Variants in HERC3 observed in about 807,000 individuals in gnomAD.
HERC3 encodes the protein HECT and RLD domain containing E3 ubiquitin protein ligase 3.
HERC3 carries 58 observed loss-of-function variants against 129.9 expected under a neutral mutation model. The ratio of observed to expected loss-of-function variants is 0.45; its 90% CI spans 0.36 to 0.56. The LOEUF is 0.56. Ranked by LOEUF, HERC3 falls within the 20% of genes least tolerant of loss-of-function variation. HERC3 has a pLI of 0.00. For synonymous variants in HERC3, 430 were observed against 451.0 expected, an observed-to-expected ratio of 0.95 and a Z score of 0.59; for missense variants, 835 against 1,244.2, an observed-to-expected ratio of 0.67 and a Z score of 4.95.
chr4:88,683,246 C>T (rs543840005), intron 21 of HERC3, among the ~76,000 whole-genome samples: 2 of 152,152 alleles, frequency 1.3e-5, no homozygotes, highest in South Asian at 2.1e-4. Context: ...CACATCAGAT[C>T]AAGTATATAA....
the HERC3 span, among the ~76,000 whole-genome samples, chr4:88,528,466 T>C: frequency 1.3e-5 from 2 of 152,148 alleles, no homozygotes; most frequent in East Asian, 3.8e-4. Flanking sequence ...GTGGAACTAA[T>C]GGCTCAAGAT....
chr4:88,628,977 C>G (rs1031443773), intron 3 of HERC3, among the ~76,000 whole-genome samples: 2 of 152,112 alleles, frequency 1.3e-5, no homozygotes, highest in African/African-American at 4.8e-5. Flanking sequence ...AATTTGAGAT[C>G]AGCCTGGCCA....
chr4:88,561,173 G>A, the HERC3 span, among the ~76,000 whole-genome samples: 19 of 151,878 alleles, frequency 1.3e-4, no homozygotes, highest in African/African-American at 2.4e-4. Context: ...ATGTGTGACC[G>A]CATTGACACA....
At chr4:88,594,013 T>TA (rs1295125942) in intron 1 of HERC3, among the ~76,000 whole-genome samples, 3 of 152,238 alleles carry the variant, frequency 2.0e-5, no homozygotes, top group African/African-American at 7.2e-5. Flanking sequence ...GAACTTTCTG[T>TA]AAAAAGTATA....
intron 10 of HERC3, among the ~76,000 whole-genome samples, chr4:88,660,293 C>G (rs950282153): frequency 2.6e-5 from 4 of 152,056 alleles, no homozygotes; most frequent in African/African-American, 9.7e-5. Flanking sequence ...CCTCCACCTC[C>G]TGGTTTCAAG....
the HERC3 span, among the ~76,000 whole-genome samples, chr4:88,586,123 G>A: frequency 6.6e-6 from 1 of 152,168 alleles, no homozygotes; most frequent in Non-Finnish European, 1.5e-5. Context: ...TATTCACTGT[G>A]TTTAGCTATG....
At chr4:88,604,496 G>T (rs1212755463) in intron 2 of HERC3, among the ~76,000 whole-genome samples, 1 of 152,128 alleles carries the variant, frequency 6.6e-6, no homozygotes, top group African/African-American at 2.4e-5. Flanking sequence ...CTATTTTCTA[G>T]TCTATTTTCT....
At chr4:88,637,934 A>G (rs1331754415) in intron 3 of HERC3, among the ~76,000 whole-genome samples, 3 of 152,062 alleles carry the variant, frequency 2.0e-5, no homozygotes, top group Non-Finnish European at 4.4e-5. Context: ...CAGAAATACA[A>G]ACTACCTTCA....
chr4:88,603,631 G>T (rs1031813185), intron 2 of HERC3, among the ~76,000 whole-genome samples: 3 of 152,180 alleles, frequency 2.0e-5, no homozygotes, highest in Admixed American at 1.3e-4. Context: ...CCAGAGAGGT[G>T]CATGGGGTAT....
the HERC3 span, among the ~76,000 whole-genome samples, chr4:88,581,201 T>C: frequency 5.9e-5 from 9 of 152,188 alleles, no homozygotes; most frequent in Non-Finnish European, 8.8e-5. Context: ...ATTCTTGTGT[T>C]TCTAGAGCCA....
intron 10 of HERC3, among the ~76,000 whole-genome samples, chr4:88,661,688 T>A (rs187116894): frequency 6.6e-6 from 1 of 152,304 alleles, no homozygotes; most frequent in East Asian, 1.9e-4. Flanking sequence ...GAATAAAAGA[T>A]GTACAGTGTT....
At chr4:88,656,092 T>G in intron 9 of HERC3, 57 bp downstream of exon 9, 1 of 1,549,984 alleles carries the variant, frequency 6.5e-7, no homozygotes, top group Non-Finnish European at 8.9e-7. Flanking sequence ...AACAGTTGTT[T>G]ACAGAATATG....
the HERC3 span, among the ~76,000 whole-genome samples, chr4:88,536,982 A>G: frequency 6.6e-6 from 1 of 152,210 alleles, no homozygotes; most frequent in Non-Finnish European, 1.5e-5. Context: ...GATTTCTTAA[A>G]TTAACAGATT....
chr4:88,551,379 A>G, the HERC3 span, among the ~76,000 whole-genome samples: 7 of 147,186 alleles, frequency 4.8e-5, no homozygotes, highest in Non-Finnish European at 9.0e-5. Flanking sequence ...TTTGCAACCT[A>G]CTCATCTGAC....
Position 88,654,116 on chromosome 4 carries a change from A to T in HERC3, c.760A>T (p.Thr254Ser). 6.2e-7 allele frequency: 1 copy of T among 1,612,840 alleles called. No individual in the cohort carries two copies. The highest frequency in any genetic ancestry group is 8.5e-7 in the Non-Finnish European group (1 of 1,179,022). Reference protein sequence around the residue: ...VVYISCGEEHTAVLTKSGGVF... With the variant: ...VVYISCGEEHSAVLTKSGGVF... ...CTATATTAGTTGTGGAGAAGAACAC[A>T]CAGCAGTTCTCACAAAGGTAAGGAG... The change falls in exon 7 of 26, where the codon ACA becomes TCA. Residue 254 changes from threonine (T) to serine (S), a missense_variant. Coordinates refer to ENST00000402738, the MANE Select transcript of HERC3 (RefSeq NM_014606.3).
chr4:88,687,416 G>A, intron 23 of HERC3, 117 bp downstream of exon 23: 1 of 505,396 alleles, frequency 2.0e-6, no homozygotes, highest in Non-Finnish European at 3.4e-6. Flanking sequence ...GAGGAGGTAA[G>A]TAAGGGTGAT....
intron 3 of HERC3, among the ~76,000 whole-genome samples, chr4:88,647,349 G>C (rs977787184): frequency 1.3e-5 from 2 of 152,198 alleles, no homozygotes; most frequent in Admixed American, 6.6e-5. Flanking sequence ...CTGCTAGTCA[G>C]TAGCAGGAAG....
At chr4:88,642,275 T>C (rs1728203415) in intron 3 of HERC3, among the ~76,000 whole-genome samples, 1 of 151,990 alleles carries the variant, frequency 6.6e-6, no homozygotes, top group Non-Finnish European at 1.5e-5. Context: ...AAAAACAGTC[T>C]AAAGAAGAAA....
chr4:88,541,870 C>CA, the HERC3 span, among the ~76,000 whole-genome samples: 972 of 152,240 alleles, frequency 6.4e-3, 9 homozygotes, highest in African/African-American at 0.023. Context: ...AAAATGAAGG[C>CA]AGAAATAAAG....
Sources: allele counts gnomAD v4.1 joint callset (sites outside exome capture counted in the v4.1 genomes callset), GRCh38; gene constraint gnomAD v4.1.1; transcripts MANE v1.5; gene names NCBI Gene and HGNC (gene_info 2026-07-23, HGNC 2026-07-21).